CLVS2: variants seen among roughly 807,000 people sequenced by gnomAD.
The protein encoded by CLVS2 is clavesin-2.
A neutral mutation model predicts 29.0 loss-of-function variants in CLVS2; 19 were observed. That is an observed-to-expected ratio of 0.66 (90% CI 0.46 to 0.96). The LOEUF is 0.96. CLVS2 is among the 40% of genes least tolerant of loss of function. The pLI, the probability that CLVS2 is intolerant of heterozygous loss-of-function variation, is 0.00. For synonymous variants in CLVS2, 161 were observed against 151.3 expected (o/e 1.06, Z -0.47); for missense variants, 294 against 404.1 (o/e 0.73, Z 2.34).
chr6:123,004,536 C>A (rs987359764), intron 2 of CLVS2, among the ~76,000 whole-genome samples: 3 of 152,206 alleles, frequency 2.0e-5, no homozygotes, highest in Non-Finnish European at 4.4e-5. Context: ...CACCAAAGCT[C>A]CCTATTGTGG....
chr6:123,044,554 T>G (rs1309342838), intron 3 of CLVS2, among the ~76,000 whole-genome samples: 5 of 151,716 alleles, frequency 3.3e-5, no homozygotes, highest in Non-Finnish European at 7.4e-5. Flanking sequence ...AGTAGTGAGA[T>G]AAGGGGTCAT....
chr6:123,034,169 G>C (rs548130783), intron 3 of CLVS2, among the ~76,000 whole-genome samples: 1 of 152,196 alleles, frequency 6.6e-6, no homozygotes, highest in African/African-American at 2.4e-5. Context: ...CTGTAAAGCT[G>C]AACATGAGAC....
intron 3 of CLVS2, among the ~76,000 whole-genome samples, chr6:123,019,509 T>C (rs1774891620): frequency 6.6e-6 from 1 of 152,072 alleles, no homozygotes; most frequent in Non-Finnish European, 1.5e-5. Flanking sequence ...GATTTCTATT[T>C]TTTTGTATCA....
chr6:123,039,318 A>C (rs1453299960), intron 3 of CLVS2, among the ~76,000 whole-genome samples: 2 of 152,198 alleles, frequency 1.3e-5, no homozygotes, highest in Non-Finnish European at 2.9e-5. Flanking sequence ...TTTTGCTGTC[A>C]GATGACAAAT....
At chr6:123,018,865 A>G (rs1774881075) in intron 3 of CLVS2, among the ~76,000 whole-genome samples, 1 of 152,068 alleles carries the variant, frequency 6.6e-6, no homozygotes. Flanking sequence ...GTTTTAAAAC[A>G]TGGATGAGTA....
intron 4 of CLVS2, among the ~76,000 whole-genome samples, chr6:123,053,981 C>A (rs1000544503): frequency 1.3e-5 from 2 of 152,090 alleles, no homozygotes; most frequent in African/African-American, 4.8e-5. Context: ...TTGATGTCAT[C>A]TGGTTGTCCT....
In CLVS2 at chr6:122,997,761, C is replaced by T. The variant is rs1311080930; in HGVS notation, c.-17C>T. The T allele has an allele frequency of 6.2e-7, 1 of 1,609,674 alleles. No homozygotes were observed. The highest frequency in any genetic ancestry group is 1.1e-5 in the South Asian group (1 of 90,480). ...CAACAAGGTCTTCTGAGGGAAAGCT[C>T]AGAGATAGGCAGAACAATGACTCAT... On this transcript the variant is annotated 5_prime_UTR_variant, in exon 2 of 6. Coordinates refer to ENST00000275162, the MANE Select transcript of CLVS2 (RefSeq NM_001010852.4).
intron 4 of CLVS2, among the ~76,000 whole-genome samples, chr6:123,055,314 T>C (rs1167883503): frequency 1.6e-5 from 1 of 60,932 alleles, no homozygotes; most frequent in African/African-American, 6.5e-5. Context: ...GGTTACAATA[T>C]TCTTATTTTT....
chr6:123,034,297 G>A (rs1240482096), intron 3 of CLVS2, among the ~76,000 whole-genome samples: 3 of 152,164 alleles, frequency 2.0e-5, no homozygotes, highest in African/African-American at 7.2e-5. Flanking sequence ...GCCAAAAACT[G>A]GAAGTAACTC....
At chr6:123,034,793 T>C (rs978195164) in intron 3 of CLVS2, among the ~76,000 whole-genome samples, 1 of 152,082 alleles carries the variant, frequency 6.6e-6, no homozygotes, top group African/African-American at 2.4e-5. Flanking sequence ...GTTTTAGTCG[T>C]TATTCTAGTA....
At chr6:123,004,987 C>T (rs758621643) in intron 2 of CLVS2, among the ~76,000 whole-genome samples, 14 of 151,832 alleles carry the variant, frequency 9.2e-5, no homozygotes, top group African/African-American at 3.4e-4. Context: ...TCATCAAACT[C>T]TGTTCTGAGT....
At chr6:123,017,120 A>G (rs1582648004) in intron 3 of CLVS2, among the ~76,000 whole-genome samples, 1 of 150,158 alleles carries the variant, frequency 6.7e-6, no homozygotes, top group African/African-American at 2.5e-5. Flanking sequence ...GTGTGTGCGT[A>G]AGATGGTTAA....
chr6:123,041,756 G>A (rs1775237226), intron 3 of CLVS2, among the ~76,000 whole-genome samples: 2 of 152,080 alleles, frequency 1.3e-5, no homozygotes. Flanking sequence ...TTATATTCAT[G>A]ATGGAAAATT....
chr6:123,048,859 C>A, intron 4 of CLVS2, 127 bp downstream of exon 4: 1 of 618,340 alleles, frequency 1.6e-6, no homozygotes. Context: ...ACATAGAAGA[C>A]ATTTTAAGAT....
chr6:123,064,451 A>G lies in CLVS2; in HGVS notation c.*690A>G, dbSNP rs1166830617. 2 of 151,944 alleles carry G rather than the reference A, an allele frequency of 1.3e-5. No individual in the cohort carries two copies. Among genetic ancestry groups the G allele is most frequent in the Non-Finnish European group, 2.9e-5 (2 of 67,868 alleles). The allele number at this position is 151,944 out of a possible 1,614,324, so 9.4% of individuals were successfully genotyped here. A position where few individuals can be genotyped will look rare whatever the true frequency, so the allele number is the denominator to read the frequency against. Reference sequence around the variant, plus strand: ...ATTAAGACGTAGAAATGTAAAAAAGAGTGGATTCTTTTTAAATTGCTGTCT... The same window carrying G: ...ATTAAGACGTAGAAATGTAAAAAAGGGTGGATTCTTTTTAAATTGCTGTCT... On this transcript the variant is annotated 3_prime_UTR_variant, in exon 6 of 6. Transcript: ENST00000275162.
At chr6:122,999,777 T>C (rs1040950343) in intron 2 of CLVS2, among the ~76,000 whole-genome samples, 1 of 152,164 alleles carries the variant, frequency 6.6e-6, no homozygotes, top group African/African-American at 2.4e-5. Context: ...AATCTCGAAG[T>C]CTGTTAGAGA....
Position 123,067,072 on chromosome 6 carries a change from G to GT in CLVS2, c.*3317dup, listed in dbSNP as rs1177758182. 6.6e-6 allele frequency: 1 copy of GT among 151,646 alleles called. No individual in the cohort carries two copies. Among genetic ancestry groups the GT allele is most frequent in the Non-Finnish European group, 1.5e-5 (1 of 67,706 alleles). The allele number at this position is 151,646 out of a possible 1,614,324, so 9.4% of individuals were successfully genotyped here. ...AAGTGTAGACAGAGATATTTCCTAA[G>GT]TTTTTTCATATAGAATACTTATTTA... is the stretch of plus-strand genomic sequence containing the variant. On this transcript the variant is annotated 3_prime_UTR_variant, in exon 6 of 6. Transcript: ENST00000275162.
chr6:123,015,604 C>G (rs73543759), intron 3 of CLVS2, among the ~76,000 whole-genome samples: 1 of 152,154 alleles, frequency 6.6e-6, no homozygotes, highest in East Asian at 1.9e-4. Context: ...ATCAAAGTAA[C>G]TTCTCCCACC....
chr6:123,024,234 C>A (rs1319809482), intron 3 of CLVS2, among the ~76,000 whole-genome samples: 1 of 152,130 alleles, frequency 6.6e-6, no homozygotes, highest in East Asian at 1.9e-4. Context: ...TCTGGCCTTC[C>A]ATGTTGTAAG....
Sources: gnomAD v4.1 joint callset for allele counts (sites outside exome capture counted in the v4.1 genomes callset) on GRCh38, gnomAD v4.1.1 for gene constraint, MANE v1.5 for transcripts, NCBI Gene and HGNC (gene_info 2026-07-23, HGNC 2026-07-21) for gene names.